The following ZNF540 variants were observed in gnomAD, a reference collection of about 807,000 sequenced individuals.
The protein encoded by ZNF540 is CTD-3064H18.6.
A neutral mutation model predicts 11.8 loss-of-function variants in ZNF540; 3 were observed. The ratio of observed to expected loss-of-function variants is 0.25; its 90% CI spans 0.12 to 0.65. The LOEUF (loss-of-function observed/expected upper bound fraction) is 0.65, where lower values mean the gene tolerates loss of function less well. ZNF540 is among the 30% of genes least tolerant of loss of function. ZNF540 has a pLI of 0.83. For synonymous variants in ZNF540, 247 were observed against 259.0 expected (o/e 0.95, Z 0.45); for missense variants, 709 against 793.1 (o/e 0.89, Z 1.27).
Position 37,613,240 on chromosome 19 carries a change from C to T in ZNF540, c.1960C>T (p.Gln654Ter). Residue 654 changes from glutamine to a stop codon, truncating the protein, a stop_gained, in exon 5 of 5, where the codon CAG becomes TAG. Transcript: ENST00000316433. LOFTEE classifies it low-confidence loss of function (END_TRUNC). ...ACAATATTCACATCTTTATCAACAT[C>T]AGAAAACTCATAATGTAATTTAATA... The part of the protein sequence containing the change: ...FRQYSHLYQH[Q>*]KTHNVI 2.0e-6 allele frequency: 3 copies of T among 1,511,726 alleles called. No individual in the cohort carries two copies. In the East Asian group the frequency reaches 6.8e-5, roughly 34 times the overall value. The allele number at this position is 1,511,726 out of a possible 1,614,324, so 93.6% of individuals were successfully genotyped here. A position where few individuals can be genotyped will look rare whatever the true frequency, so the allele number is the denominator to read the frequency against.
chr19:37,602,585 G>A (rs1305868384), intron 4 of ZNF540, among the ~76,000 whole-genome samples: 2 of 152,158 alleles, frequency 1.3e-5, no homozygotes, highest in South Asian at 2.1e-4. Context: ...TCCCTTTAGC[G>A]AATGAGTTTC....
rs961042912 is a variant in ZNF540 at position 37,569,765 on chromosome 19, C to T, written c.-73+18100C>T. ...AAACCAAGCTCCATCCTCCTATGGC[C>T]TGCAGTACACTGTTACTTCTGCTAG... On this transcript the variant is annotated intron_variant, in intron 1 of 4. Transcript: ENST00000592533. The surrounding 1 kb of genome is among the most constrained non-coding windows in gnomAD (Gnocchi z 4.4). The T allele has an allele frequency of 6.6e-6, 1 of 152,318 alleles. No homozygotes were observed. Among genetic ancestry groups the T allele is most frequent in the Non-Finnish European group, 1.5e-5 (1 of 68,118 alleles). 9.4% of individuals were successfully genotyped at this position (152,318 alleles called of 1,614,324 possible).
intron 1 of ZNF540, among the ~76,000 whole-genome samples, chr19:37,552,296 A>G (rs1484965902): frequency 1.3e-5 from 2 of 152,200 alleles, no homozygotes; most frequent in African/African-American, 4.8e-5. Context: ...CTCAGAATAT[A>G]AACAAGCTTG....
chr19:37,554,032 G>A (rs760619223), intron 1 of ZNF540, among the ~76,000 whole-genome samples: 1 of 152,076 alleles, frequency 6.6e-6, no homozygotes, highest in Non-Finnish European at 1.5e-5. Context: ...GAGTACACAT[G>A]CAGGTTTGTT....
intron 1 of ZNF540, chr19:37,587,084 T>C: frequency 1.1e-5 from 2 of 178,778 alleles, no homozygotes; most frequent in Non-Finnish European, 2.3e-5. Context: ...GAGACCAAAA[T>C]GTGGCCTTCT....
At chr19:37,592,029 G>C (rs1375086052), upstream of ZNF540, among the ~76,000 whole-genome samples, 2 of 152,074 alleles carry the variant, frequency 1.3e-5, no homozygotes, top group Non-Finnish European at 2.9e-5. Flanking sequence ...AAGCTGAGGT[G>C]GGTGGATTAC....
At chr19:37,607,734 A>G (rs917205925) in intron 4 of ZNF540, among the ~76,000 whole-genome samples, 2 of 152,168 alleles carry the variant, frequency 1.3e-5, no homozygotes, top group Non-Finnish European at 2.9e-5. Flanking sequence ...GGTTTTTTTT[A>G]AGTATTGGAA....
chr19:37,566,182 T>C (rs2042851696), intron 1 of ZNF540: 2 of 1,613,886 alleles, frequency 1.2e-6, no homozygotes, highest in South Asian at 2.2e-5. Flanking sequence ...GACCATTGTA[T>C]TGAAGGTGAT....
chr19:37,581,943 A>G (rs1301779899), intron 1 of ZNF540, among the ~76,000 whole-genome samples: 1 of 152,176 alleles, frequency 6.6e-6, no homozygotes, highest in Non-Finnish European at 1.5e-5. Context: ...TCCTACCACC[A>G]TAATTAACAT....
intron 1 of ZNF540, among the ~76,000 whole-genome samples, chr19:37,581,498 C>T (rs1160631338): frequency 6.8e-6 from 1 of 146,472 alleles, no homozygotes; most frequent in Non-Finnish European, 1.5e-5. Flanking sequence ...CATGGTCTTG[C>T]TCTGTCGCCC....
In ZNF540 at chr19:37,599,671, G is replaced by T. The variant is rs1411484452; in HGVS notation, c.55G>T (p.Glu19Ter). The T allele has an allele frequency of 6.2e-7, 1 of 1,613,968 alleles. No individual in the cohort carries two copies. The highest frequency in any genetic ancestry group is 1.7e-5 in the Admixed American group (1 of 60,016). The change falls in exon 3 of 5, where the codon GAA (glutamate) becomes TAA (stop). Residue 19 changes from glutamate to a stop codon, truncating the protein, a stop_gained. Coordinates refer to ENST00000316433, the MANE Select transcript of ZNF540 (RefSeq NM_001172225.3). LOFTEE classifies it high-confidence loss of function. ...TGTGGCTATAGACTTCTCTCAGAAG[G>T]AATGGGAGTGCCTGGACACTACCCA... ...RDVAIDFSQK[E>*]WECLDTTQRK...
chr19:37,573,135 C>CT (rs138972594), intron 1 of ZNF540, among the ~76,000 whole-genome samples: 41,417 of 150,268 alleles, frequency 0.28, 6,762 homozygotes, highest in Non-Finnish European at 0.38. Context: ...TCTTCCAACT[C>CT]TTTTTTTTTT....
chr19:37,560,666 T>C (rs888479013), intron 1 of ZNF540: 4 of 152,042 alleles, frequency 2.6e-5, no homozygotes, highest in Non-Finnish European at 5.9e-5. Context: ...TAATGATTTT[T>C]AAAAAGAAAA....
intron 1 of ZNF540, among the ~76,000 whole-genome samples, chr19:37,570,446 T>C (rs956958426): frequency 2.0e-5 from 3 of 152,196 alleles, no homozygotes; most frequent in African/African-American, 4.8e-5. Flanking sequence ...GACATAATTA[T>C]AGCAAGTCAA....
intron 1 of ZNF540, among the ~76,000 whole-genome samples, chr19:37,554,123 T>G (rs1377512222): frequency 6.6e-6 from 1 of 152,164 alleles, no homozygotes; most frequent in Non-Finnish European, 1.5e-5. Flanking sequence ...AGCTGACAGT[T>G]TTTTGACCTT....
Position 37,613,993 on chromosome 19 carries a change from A to G in ZNF540, c.*730A>G, listed in dbSNP as rs942698567. On this transcript the variant is annotated 3_prime_UTR_variant, in exon 5 of 5. Coordinates refer to ENST00000316433, the MANE Select transcript of ZNF540 (RefSeq NM_001172225.3). ...GGTTACAGCAAGAAGTCAGCAGTCTACAGTGCAAAAGAGGGCCTTCACCAG... is the reference window on the plus strand; with the variant it reads ...GGTTACAGCAAGAAGTCAGCAGTCTGCAGTGCAAAAGAGGGCCTTCACCAG... 1.8e-5 allele frequency: 7 copies of G among 396,728 alleles called. No individual in the cohort carries two copies. Among genetic ancestry groups the G allele is most frequent in the African/African-American group, 1.2e-4 (6 of 48,610 alleles). The allele number at this position is 396,728 out of a possible 1,614,324, so 24.6% of individuals were successfully genotyped here.
At chr19:37,560,996 G>C (rs34833149) in intron 1 of ZNF540, 1 of 133,276 alleles carries the variant, frequency 7.5e-6, no homozygotes, top group Non-Finnish European at 1.5e-5. Flanking sequence ...AGGATCACTT[G>C]AAGCCCGGGA....
chr19:37,580,059 G>A (rs1421187121), intron 1 of ZNF540, among the ~76,000 whole-genome samples: 3 of 152,114 alleles, frequency 2.0e-5, no homozygotes, highest in East Asian at 1.9e-4. Context: ...TTTACAGCAC[G>A]GATAGACATT....
intron 1 of ZNF540, among the ~76,000 whole-genome samples, chr19:37,587,902 A>T (rs2043732650): frequency 6.6e-6 from 1 of 151,998 alleles, no homozygotes; most frequent in African/African-American, 2.4e-5. Flanking sequence ...ACTTGAGGTC[A>T]GGAGTTCAAG....
Sources: allele counts gnomAD v4.1 joint callset (sites outside exome capture counted in the v4.1 genomes callset), GRCh38; gene constraint gnomAD v4.1.1; non-coding constraint Gnocchi (gnomAD v3.1); transcripts MANE v1.5; gene names NCBI Gene and HGNC (gene_info 2026-07-23, HGNC 2026-07-21).